The following GTF3C2 variants were observed in gnomAD, a reference collection of about 807,000 sequenced individuals.
GTF3C2 encodes general transcription factor 3C polypeptide 2.
GTF3C2 carries 17 observed loss-of-function variants against 117.4 expected under a neutral mutation model. That is an observed-to-expected ratio of 0.14 (90% CI 0.10 to 0.22). The LOEUF (loss-of-function observed/expected upper bound fraction) is 0.22. GTF3C2 is among the 10% of genes least tolerant of loss of function. The pLI is 1.00. For synonymous variants in GTF3C2, 437 were observed against 427.0 expected, an observed-to-expected ratio of 1.02 and a Z score of -0.29; for missense variants, 888 against 1,143.6, an observed-to-expected ratio of 0.78 and a Z score of 3.22.
At chr2:27,352,349 CTTTTGA>C (rs1397823373) in intron 1 of GTF3C2, among the ~76,000 whole-genome samples, 1 of 152,182 alleles carries the variant, frequency 6.6e-6, no homozygotes, top group Non-Finnish European at 1.5e-5. Context: ...GATGATTTTG[CTTTTGA>C]TTTCCGAAAC....
intron 1 of GTF3C2, among the ~76,000 whole-genome samples, chr2:27,346,117 G>C (rs575705796): frequency 7.0e-6 from 1 of 142,742 alleles, no homozygotes; most frequent in East Asian, 2.1e-4. Flanking sequence ...TTGTCCTCCA[G>C]AGCTCAAGCA....
At chr2:27,337,624 TTC>T (rs1211464009) in intron 5 of GTF3C2, 66 bp from the exon 6 acceptor site, 5 of 1,075,460 alleles carry the variant, frequency 4.6e-6, no homozygotes, top group Non-Finnish European at 5.8e-6. Flanking sequence ...CAATAAAACT[TTC>T]TGTGGGGATG....
chr2:27,355,231 T>C (rs1339034522), intron 1 of GTF3C2, among the ~76,000 whole-genome samples: 5 of 152,098 alleles, frequency 3.3e-5, no homozygotes, highest in Non-Finnish European at 5.9e-5. Flanking sequence ...CCTGTACATA[T>C]AATTTGCCTG....
chr2:27,328,613 G>A lies in GTF3C2; in HGVS notation c.2128-17C>T, dbSNP rs752829847. On this transcript the variant is annotated splice_polypyrimidine_tract_variant and intron_variant, in intron 15 of 18. Transcript: ENST00000264720. Reference sequence around the variant, plus strand: ...TGAAAGACTCTAATAGAAAGAGACAGATTTCATTCATTCATATATTCATTC... The same window carrying A: ...TGAAAGACTCTAATAGAAAGAGACAAATTTCATTCATTCATATATTCATTC... 4 of 1,601,344 alleles carry A rather than the reference G, an allele frequency of 2.5e-6. No individual in the cohort carries two copies. The highest frequency in any genetic ancestry group is 3.4e-6 in the Non-Finnish European group (4 of 1,168,980).
intron 12 of GTF3C2, among the ~76,000 whole-genome samples, chr2:27,332,794 C>A (rs147775753): frequency 6.6e-6 from 1 of 151,420 alleles, no homozygotes; most frequent in African/African-American, 2.4e-5. Flanking sequence ...TGGCTCACTG[C>A]AACCTCCGTC....
chr2:27,326,305 C>T, exon 19 of GTF3C2: 1 of 460,548 alleles, frequency 2.2e-6, no homozygotes, highest in South Asian at 1.7e-5. Flanking sequence ...TTCAGTTCTC[C>T]ATACACCCAT....
chr2:27,345,049 C>T (rs1300005201), intron 1 of GTF3C2, among the ~76,000 whole-genome samples: 2 of 150,898 alleles, frequency 1.3e-5, no homozygotes, highest in Admixed American at 6.6e-5. Context: ...TTTGAGAGGA[C>T]AAGGCAGAAG....
At chr2:27,334,923 C>A (rs540554276) in intron 10 of GTF3C2, among the ~76,000 whole-genome samples, 1 of 152,272 alleles carries the variant, frequency 6.6e-6, no homozygotes, top group Admixed American at 6.5e-5. Flanking sequence ...GGAATTAAGG[C>A]ATGGACCACC....
intron 1 of GTF3C2, chr2:27,356,471 G>A (rs774255945): frequency 1.3e-5 from 3 of 239,288 alleles, no homozygotes; most frequent in Non-Finnish European, 2.6e-5. Context: ...GCCTACGCCC[G>A]GACACAGGCT....
At position 27,338,464 on chromosome 2, in the gene GTF3C2, A is replaced by G. The variant is rs1019337449; in HGVS notation, c.856-444T>C. On this transcript the variant is annotated intron_variant, in intron 4 of 18. Coordinates refer to ENST00000264720, the Ensembl canonical transcript of GTF3C2. Reference sequence around the variant, plus strand: ...CAGGCGCGCACGCGCACGCGCGCACACACACACACACACACACACTCCTGG... The same window carrying G: ...CAGGCGCGCACGCGCACGCGCGCACGCACACACACACACACACACTCCTGG... Among the ~76,000 whole-genome samples, 10 of 42,330 alleles carry G rather than the reference A, an allele frequency of 2.4e-4. No individual in the cohort carries two copies. In the South Asian group the frequency reaches 4.2e-3, roughly 18 times the overall value. 27.8% of individuals were successfully genotyped at this position (42,330 alleles called of 152,430 possible). A position where few individuals can be genotyped will look rare whatever the true frequency, so the allele number is the denominator to read the frequency against.
At chr2:27,345,648 T>C (rs1046430242) in intron 1 of GTF3C2, among the ~76,000 whole-genome samples, 1 of 151,770 alleles carries the variant, frequency 6.6e-6, no homozygotes, top group Admixed American at 6.6e-5. Flanking sequence ...ATATTTCACC[T>C]GGATGGGGGT....
At chr2:27,342,188 G>A (rs1225433032) in exon 4 of GTF3C2, 2 of 1,613,978 alleles carry the variant, frequency 1.2e-6, no homozygotes, top group Non-Finnish European at 1.7e-6. Flanking sequence ...GGGCAGGCAG[G>A]GCTGTTGAGA....
intron 4 of GTF3C2, among the ~76,000 whole-genome samples, chr2:27,339,233 C>A (rs1680623254): frequency 6.6e-6 from 1 of 151,434 alleles, no homozygotes; most frequent in Non-Finnish European, 1.5e-5. Flanking sequence ...ACGGTGAAAC[C>A]CCATCTCTAC....
rs1163215374 is a variant in GTF3C2 at position 27,355,934 on chromosome 2, G to A, written c.-25+805C>T. On this transcript the variant is annotated intron_variant, in intron 1 of 18. Transcript: ENST00000264720. ...CGGTTTCATTTATATTGCTTAGGTC[G>A]AGACTAATGCATTTAAACTTTTTAA... Among the ~76,000 whole-genome samples the A allele has an allele frequency of 2.0e-5, 3 of 152,124 alleles. No homozygotes were observed. In the East Asian group the frequency reaches 5.8e-4, roughly 29 times the overall value.
At chr2:27,336,275 T>C (rs1248558412) in exon 8 of GTF3C2, 1 of 1,613,986 alleles carries the variant, frequency 6.2e-7, no homozygotes, top group Admixed American at 1.7e-5. Context: ...TCAGTGGGTG[T>C]GTCTCATTCA....
chr2:27,352,084 T>C (rs1364401695), intron 1 of GTF3C2, among the ~76,000 whole-genome samples: 2 of 152,200 alleles, frequency 1.3e-5, no homozygotes, highest in Non-Finnish European at 2.9e-5. Context: ...ATCAAGCCAC[T>C]ATCCCTTGAT....
intron 17 of GTF3C2, among the ~76,000 whole-genome samples, chr2:27,327,615 C>T (rs971511058): frequency 6.8e-6 from 1 of 146,024 alleles, no homozygotes; most frequent in South Asian, 2.2e-4. Context: ...TGAGCCACTA[C>T]GCCTGGCCCT....
intron 1 of GTF3C2, among the ~76,000 whole-genome samples, chr2:27,355,887 T>C (rs999297379): frequency 6.6e-6 from 1 of 152,150 alleles, no homozygotes; most frequent in Non-Finnish European, 1.5e-5. Context: ...CATAAACAAT[T>C]ATAAGTAGCC....
chr2:27,335,242 G>A, intron 10 of GTF3C2: 1 of 491,610 alleles, frequency 2.0e-6, no homozygotes, highest in South Asian at 1.5e-5. Flanking sequence ...GCTAAGAACA[G>A]GATTGGGGGA....
Sources: gnomAD v4.1 joint callset for allele counts (sites outside exome capture counted in the v4.1 genomes callset) on GRCh38, gnomAD v4.1.1 for gene constraint, MANE v1.5 for transcripts, NCBI Gene and HGNC (gene_info 2026-07-23, HGNC 2026-07-21) for gene names.